The following ASAP1 variants were observed in gnomAD, a reference collection of about 807,000 sequenced individuals.
ASAP1 encodes the protein arf-GAP with SH3 domain, ANK repeat and PH domain-containing protein 1.
ASAP1 carries 43 observed loss-of-function variants against 145.2 expected under a neutral mutation model. The ratio of observed to expected loss-of-function variants is 0.30; its 90% CI spans 0.23 to 0.38. ASAP1 has a LOEUF of 0.38. ASAP1 is among the 10% of genes least tolerant of loss of function. The probability of loss-of-function intolerance (pLI) is 1.00; values close to 1 mark genes in which losing one functional copy is unlikely to be tolerated. For missense variants in ASAP1, 1,018 were observed against 1,355.3 expected (o/e 0.75, Z 3.91); for synonymous variants, 546 against 515.5 (o/e 1.06, Z -0.80).
In ASAP1 at chr8:130,126,441, A is replaced by G. The variant is rs116040208; in HGVS notation, c.1382-352T>C. ...TTAAGTACTGCTCACAGGGGAGTGGATTCTATAGCCATCATTAACCTCCAA... is the reference window on the plus strand; with the variant it reads ...TTAAGTACTGCTCACAGGGGAGTGGGTTCTATAGCCATCATTAACCTCCAA... On this transcript the variant is annotated intron_variant, in intron 16 of 29. Coordinates refer to ENST00000518721, the MANE Select transcript of ASAP1 (RefSeq NM_018482.4). Among the ~76,000 whole-genome samples, 540 of 152,198 alleles carry G rather than the reference A, an allele frequency of 3.5e-3. 3 individuals are homozygous for G. The highest frequency in any genetic ancestry group is 0.013 in the African/African-American group (524 of 41,522).
intron 2 of ASAP1, among the ~76,000 whole-genome samples, chr8:130,366,826 C>G (rs1392258073): frequency 6.7e-6 from 1 of 148,164 alleles, no homozygotes; most frequent in Non-Finnish European, 1.5e-5. Flanking sequence ...AGTAAGTGAT[C>G]AATAAACATT....
chr8:130,113,608 T>C (rs143727064), intron 23 of ASAP1, among the ~76,000 whole-genome samples: 8 of 152,042 alleles, frequency 5.3e-5, no homozygotes, highest in African/African-American at 1.9e-4. Context: ...AATTAATGCA[T>C]GAATGAACTT....
intron 3 of ASAP1, among the ~76,000 whole-genome samples, chr8:130,344,881 C>T (rs1442851693): frequency 1.3e-5 from 2 of 152,048 alleles, no homozygotes. Context: ...TCTAATAATG[C>T]AAAGTATCAT....
intron 2 of ASAP1, among the ~76,000 whole-genome samples, chr8:130,382,470 G>A (rs1051361086): frequency 1.3e-5 from 2 of 152,190 alleles, no homozygotes; most frequent in African/African-American, 4.8e-5. Flanking sequence ...TGATAAAGGA[G>A]AAGCAGAACA....
At chr8:130,060,133 C>T (rs1354682044) in intron 28 of ASAP1, among the ~76,000 whole-genome samples, 2 of 150,196 alleles carry the variant, frequency 1.3e-5, no homozygotes, top group African/African-American at 5.0e-5. Context: ...TACCCAGAAC[C>T]CCGAGAGGGA....
chr8:130,180,968 T>C (rs575727091), intron 7 of ASAP1, 88 bp from the exon 8 acceptor site: 4 of 1,281,666 alleles, frequency 3.1e-6, no homozygotes, highest in South Asian at 1.4e-5. Flanking sequence ...AACTATGGAT[T>C]TGGGGTGACG....
intron 13 of ASAP1, among the ~76,000 whole-genome samples, chr8:130,140,447 T>A (rs1398824087): frequency 6.6e-6 from 1 of 152,050 alleles, no homozygotes; most frequent in Non-Finnish European, 1.5e-5. Context: ...GGGTTTGTTG[T>A]ACGTATTATT....
intron 4 of ASAP1, among the ~76,000 whole-genome samples, chr8:130,225,129 A>G (rs1339730786): frequency 6.6e-6 from 1 of 152,164 alleles, no homozygotes; most frequent in African/African-American, 2.4e-5. Flanking sequence ...CTGTTTTCCA[A>G]TGCTAGTATT....
intron 3 of ASAP1, among the ~76,000 whole-genome samples, chr8:130,342,957 G>C (rs973020435): frequency 1.3e-5 from 2 of 152,146 alleles, no homozygotes; most frequent in African/African-American, 4.8e-5. Context: ...ATGTGTGAAC[G>C]AAGGGGCAGT....
At chr8:130,163,329 A>G (rs1467326320) in intron 11 of ASAP1, among the ~76,000 whole-genome samples, 1 of 152,270 alleles carries the variant, frequency 6.6e-6, no homozygotes, top group Non-Finnish European at 1.5e-5. Flanking sequence ...TAAATGTATC[A>G]TTAAGACGTT....
At chr8:130,192,871 GTTC>G (rs1173554167) in intron 5 of ASAP1, among the ~76,000 whole-genome samples, 1 of 152,140 alleles carries the variant, frequency 6.6e-6, no homozygotes, top group African/African-American at 2.4e-5. Flanking sequence ...TGTGTACAAA[GTTC>G]TTCTCTACAG....
intron 3 of ASAP1, among the ~76,000 whole-genome samples, chr8:130,268,093 A>G (rs1382419156): frequency 6.6e-6 from 1 of 152,240 alleles, no homozygotes; most frequent in African/African-American, 2.4e-5. Context: ...GGTATCAGCC[A>G]AAATACAGAC....
Position 130,217,537 on chromosome 8 carries a change from T to TACACACACACAC in ASAP1, c.260-2848_260-2837dup, listed in dbSNP as rs71302402. On this transcript the variant is annotated intron_variant, in intron 4 of 29. Coordinates refer to ENST00000518721, the MANE Select transcript of ASAP1 (RefSeq NM_018482.4). ...ATGTGTATATATGTGTGTATATATG[T>TACACACACACAC]ACACACACACACACACACACACAGA... is the stretch of plus-strand genomic sequence containing the variant. Among the ~76,000 whole-genome samples the TACACACACACAC allele has an allele frequency of 1.9e-3, 280 of 148,984 alleles. 3 individuals are homozygous for TACACACACACAC. Among genetic ancestry groups the TACACACACACAC allele is most frequent in the South Asian group, 0.013 (60 of 4,650 alleles).
In ASAP1 at chr8:130,060,854, G is replaced by T. The variant is rs765064792; in HGVS notation, c.2917C>A (p.Pro973Thr). The change falls in exon 28 of 30, where the codon CCC becomes ACC. Residue 973 changes from proline (P) to threonine (T), a missense_variant. Physicochemically the swap from Pro to Thr is conservative, Grantham distance 38. Around this residue, in one of 9 missense-constraint regions of ASAP1, gnomAD observed 139 missense variants for 131.0 expected, o/e 1.06. Coordinates refer to ENST00000518721, the MANE Select transcript of ASAP1 (RefSeq NM_018482.4). ...GGTAAGTCTGAGAGTTGGGGTTTGG[G>T]TGGCAGGTCCCCCAGCTGTGGTTTG... ...PPKPQLGDLP[P>T]KPQLSDLPPK... The T allele has an allele frequency of 2.5e-6, 4 of 1,613,794 alleles. No individual in the cohort carries two copies. The highest frequency in any genetic ancestry group is 1.7e-6 in the Non-Finnish European group (2 of 1,179,954).
In ASAP1 at chr8:130,098,388, G is replaced by A. The variant is rs571970263; in HGVS notation, c.2402-6245C>T. 3.3e-5 allele frequency among the ~76,000 whole-genome samples: 5 copies of A among 152,260 alleles called. No individual in the cohort carries two copies. The South Asian group carries it at 1.0e-3, about 32-fold the overall frequency. ...ATGAAGTTTTGCTCTTTGTTGCCCA[G>A]GCTGGAGTGCAGTGGCATGATCTTA... On this transcript the variant is annotated intron_variant, in intron 24 of 29. Transcript: ENST00000518721.
At chr8:130,241,756 T>C (rs558154996) in intron 3 of ASAP1, among the ~76,000 whole-genome samples, 1 of 152,268 alleles carries the variant, frequency 6.6e-6, no homozygotes, top group Non-Finnish European at 1.5e-5. Flanking sequence ...TGCCTTCAAA[T>C]AGTTATTCTG....
chr8:130,344,925 G>C (rs1237848772), intron 3 of ASAP1, among the ~76,000 whole-genome samples: 2 of 152,112 alleles, frequency 1.3e-5, no homozygotes, highest in African/African-American at 4.8e-5. Context: ...GTATGTTTTA[G>C]TCCTAAAGGT....
intron 4 of ASAP1, among the ~76,000 whole-genome samples, chr8:130,225,000 G>A (rs1262698017): frequency 1.3e-5 from 2 of 152,142 alleles, no homozygotes; most frequent in Non-Finnish European, 2.9e-5. Flanking sequence ...GCACATAGAT[G>A]TTACTGTTCT....
In ASAP1 at chr8:130,409,699, G is replaced by C. The variant is rs561033393; in HGVS notation, c.-27-7729C>G. On this transcript the variant is annotated intron_variant, in intron 1 of 29. Coordinates refer to ENST00000518721, the MANE Select transcript of ASAP1 (RefSeq NM_018482.4). ...GCTTTGGCTCTGCCCCCAACCGCCC[G>C]CCTCATTTGTTGATTCAAATGATAA... Among the ~76,000 whole-genome samples, 5 of 152,246 alleles carry C rather than the reference G, an allele frequency of 3.3e-5. No individual in the cohort carries two copies. The East Asian group carries it at 9.7e-4, about 29-fold the overall frequency.
Sources: allele counts gnomAD v4.1 joint callset (sites outside exome capture counted in the v4.1 genomes callset), GRCh38; gene constraint gnomAD v4.1.1; regional missense constraint gnomAD v4.1.1; transcripts MANE v1.5; gene names NCBI Gene and HGNC (gene_info 2026-07-23, HGNC 2026-07-21).